Variants in POGLUT3 observed in about 807,000 individuals in gnomAD.
The protein encoded by POGLUT3 is KDEL (Lys-Asp-Glu-Leu) containing 2.
In POGLUT3, 48 loss-of-function variants were observed where a neutral mutation model predicts 54.3. That is an observed-to-expected ratio of 0.88 (90% CI 0.70 to 1.12). The LOEUF (loss-of-function observed/expected upper bound fraction) is 1.12. Among genes scored for constraint, POGLUT3 ranks in the 50% most tolerant of loss-of-function variants. The pLI is 0.00. For synonymous variants in POGLUT3, 218 were observed against 237.4 expected (o/e 0.92, Z 0.75); for missense variants, 629 against 618.7 (o/e 1.02, Z -0.18).
rs1485694244 is a variant in POGLUT3 at position 108,474,743 on chromosome 11, T to C, written c.*84A>G. 4.7e-6 allele frequency: 7 copies of C among 1,499,774 alleles called. No homozygotes were observed. The highest frequency in any genetic ancestry group is 6.4e-6 in the Non-Finnish European group (7 of 1,101,412). The allele number at this position is 1,499,774 out of a possible 1,614,324, so 92.9% of individuals were successfully genotyped here. A position where few individuals can be genotyped will look rare whatever the true frequency, so the allele number is the denominator to read the frequency against. ...GGGAGAACTAGTCCACTTGGTGCAG[T>C]CTTCTATACTGTCCTTCACAGCTTA... On this transcript the variant is annotated 3_prime_UTR_variant, in exon 8 of 8. Transcript: ENST00000323468.
At chr11:108,486,567 A>ACTTACACCACTGATTT in intron 2 of POGLUT3, 127 bp from the exon 3 acceptor site, 1 of 890,818 alleles carries the variant, frequency 1.1e-6, no homozygotes, top group Non-Finnish European at 1.7e-6. Flanking sequence ...TAGACAAATC[A>ACTTACACCACTGATTT]GTGGTGTAAG....
intron 4 of POGLUT3, 97 bp downstream of exon 4, chr11:108,481,909 C>T: frequency 1.1e-6 from 1 of 944,048 alleles, no homozygotes; most frequent in South Asian, 1.7e-5. Context: ...CAGTACAAGA[C>T]TTTTTCTAAT....
In POGLUT3 at chr11:108,479,502, G is replaced by A; in HGVS notation, c.1099-7C>T. On this transcript the variant is annotated splice_polypyrimidine_tract_variant and splice_region_variant and intron_variant, in intron 5 of 7. Coordinates refer to ENST00000323468, the MANE Select transcript of POGLUT3 (RefSeq NM_153705.5). ...CATTTACTTGATACTTGTACTGGAA[G>A]ATGAAAAACAAACATAAACAAACTT... 6.3e-7 allele frequency: 1 copy of A among 1,575,442 alleles called. No individual in the cohort carries two copies. Among genetic ancestry groups the A allele is most frequent in the Non-Finnish European group, 8.6e-7 (1 of 1,165,188 alleles).
At chr11:108,484,992 C>T (rs911506192) in intron 3 of POGLUT3, among the ~76,000 whole-genome samples, 8 of 152,068 alleles carry the variant, frequency 5.3e-5, no homozygotes, top group Admixed American at 6.6e-5. Flanking sequence ...AAACAGAGGG[C>T]CTAACCACAT....
intron 2 of POGLUT3, 199 bp from the exon 3 acceptor site, chr11:108,486,639 A>G (rs1591643090): frequency 5.1e-6 from 3 of 583,430 alleles, no homozygotes; most frequent in East Asian, 5.6e-5. Context: ...TAAACAGTTT[A>G]GTATATGCCC....
chr11:108,488,076 T>A (rs1051886573), intron 2 of POGLUT3, among the ~76,000 whole-genome samples: 4 of 151,986 alleles, frequency 2.6e-5, no homozygotes, highest in Non-Finnish European at 5.9e-5. Context: ...TAGGCTGGAG[T>A]GCAGTGGTGT....
Position 108,473,761 on chromosome 11 carries a change from A to G in POGLUT3, c.*1066T>C, listed in dbSNP as rs536948947. 6.6e-6 allele frequency: 1 copy of G among 152,346 alleles called. No homozygotes were observed. The allele number at this position is 152,346 out of a possible 1,614,324, so 9.4% of individuals were successfully genotyped here. A position where few individuals can be genotyped will look rare whatever the true frequency, so the allele number is the denominator to read the frequency against. On this transcript the variant is annotated 3_prime_UTR_variant, in exon 8 of 8. Transcript: ENST00000323468. ...TATAGAGATAATGAATGATGCCTAT[A>G]GCATACCTTCATCTATGTTAATAAC...
intron 5 of POGLUT3, 140 bp from the exon 6 acceptor site, chr11:108,479,635 T>C (rs2093589035): frequency 3.8e-6 from 2 of 531,790 alleles, no homozygotes; most frequent in Non-Finnish European, 6.4e-6. Context: ...TTTTATTTTA[T>C]AACTTACATC....
chr11:108,485,617 GC>G (rs1237608234), intron 3 of POGLUT3, among the ~76,000 whole-genome samples: 1 of 150,882 alleles, frequency 6.6e-6, no homozygotes, highest in Non-Finnish European at 1.5e-5. Flanking sequence ...TGGGATGGGG[GC>G]TCAGCCACTT....
Position 108,491,088 on chromosome 11 carries a change from G to C in POGLUT3, c.282C>G (p.Asp94Glu), listed in dbSNP as rs1328873477. Residue 94 changes from aspartate (D) to glutamate (E), a missense_variant, in exon 2 of 8, where the codon GAC becomes GAG. Physicochemically the swap from Asp to Glu is conservative, Grantham distance 45. Coordinates refer to ENST00000323468, the MANE Select transcript of POGLUT3 (RefSeq NM_153705.5). ...TCATCAAAAATGTTCCATCATTCCT[G>C]TCCAAAGGTTTAGGGACATGTATCC... ...LVRIHVPKPL[D>E]RNDGTFLMRY... The C allele has an allele frequency of 1.2e-6, 2 of 1,613,786 alleles. No homozygotes were observed. Among genetic ancestry groups the C allele is most frequent in the Non-Finnish European group, 8.5e-7 (1 of 1,179,880 alleles).
Position 108,491,057 on chromosome 11 carries a change from T to C in POGLUT3, c.313A>G (p.Arg105Gly), listed in dbSNP as rs1469260081. 2 of 1,614,028 alleles carry C rather than the reference T, an allele frequency of 1.2e-6. No homozygotes were observed. Among genetic ancestry groups the C allele is most frequent in the Non-Finnish European group, 1.7e-6 (2 of 1,179,876 alleles). The part of the protein sequence containing the change: ...RNDGTFLMRY[R>G]MYETVDEGLK... ...CCTTCATCGACAGTTTCATACATCC[T>C]ATATCTCATCAAAAATGTTCCATCA... The change falls in exon 2 of 8, where the codon AGG becomes GGG. Residue 105 changes from arginine to glycine, a missense_variant. By Grantham distance (125) the Arg-to-Gly change is moderately radical (BLOSUM62 -2). Coordinates refer to ENST00000323468, the MANE Select transcript of POGLUT3 (RefSeq NM_153705.5).
intron 6 of POGLUT3, among the ~76,000 whole-genome samples, chr11:108,478,967 T>C (rs1029447208): frequency 6.6e-6 from 1 of 152,230 alleles, no homozygotes; most frequent in African/African-American, 2.4e-5. Flanking sequence ...GCCTGAAATA[T>C]TTTCTTGTTC....
chr11:108,496,719 T>A (rs1034293694), intron 1 of POGLUT3, among the ~76,000 whole-genome samples: 1 of 152,182 alleles, frequency 6.6e-6, no homozygotes, highest in Non-Finnish European at 1.5e-5. Context: ...CTGAATCAAA[T>A]GTAGAAAACA....
intron 2 of POGLUT3, 146 bp downstream of exon 2, chr11:108,490,824 C>T: frequency 7.0e-5 from 38 of 545,736 alleles, no homozygotes; most frequent in Middle Eastern, 2.7e-4. Context: ...ATTTTCTTTC[C>T]CTTAAAATTT....
chr11:108,491,198 C>A, intron 1 of POGLUT3, 31 bp from the exon 2 acceptor site: 2 of 1,516,578 alleles, frequency 1.3e-6, no homozygotes, highest in East Asian at 4.5e-5. Context: ...AACAACTCTA[C>A]CATGTCATGA....
chr11:108,496,379 T>C (rs756187016), intron 1 of POGLUT3, among the ~76,000 whole-genome samples: 67 of 152,010 alleles, frequency 4.4e-4, no homozygotes, highest in Non-Finnish European at 6.5e-4. Context: ...CTGTGACTTA[T>C]GGAAAACTAT....
chr11:108,486,082 G>A, intron 3 of POGLUT3, 75 bp downstream of exon 3: 1 of 1,213,616 alleles, frequency 8.2e-7, no homozygotes, highest in Non-Finnish European at 1.2e-6. Flanking sequence ...TTCATCCTTT[G>A]TCATTATAAT....
At chr11:108,488,351 G>A (rs1185304750) in intron 2 of POGLUT3, among the ~76,000 whole-genome samples, 1 of 152,184 alleles carries the variant, frequency 6.6e-6, no homozygotes, top group East Asian at 1.9e-4. Context: ...AAGGCACTAG[G>A]TATTAGGCAA....
intron 3 of POGLUT3, among the ~76,000 whole-genome samples, chr11:108,482,917 C>A (rs1244142072): frequency 6.6e-6 from 1 of 152,098 alleles, no homozygotes; most frequent in African/African-American, 2.4e-5. Flanking sequence ...CCCATCTTTG[C>A]CTCATGTGCC....
Sources: gnomAD v4.1 joint callset for allele counts (sites outside exome capture counted in the v4.1 genomes callset) on GRCh38, gnomAD v4.1.1 for gene constraint, MANE v1.5 for transcripts, NCBI Gene and HGNC (gene_info 2026-07-23, HGNC 2026-07-21) for gene names.